Variants in CCDC30 observed in about 807,000 individuals in gnomAD.
The protein encoded by CCDC30 is coiled-coil domain containing 30.
In CCDC30, 70 loss-of-function variants were observed where a neutral mutation model predicts 100.2. That is an observed-to-expected ratio of 0.70 (90% CI 0.58 to 0.85). CCDC30 has a LOEUF of 0.85. Among genes scored for constraint, CCDC30 ranks in the 40% least tolerant of loss-of-function variants. The probability of loss-of-function intolerance (pLI) is 0.00; values close to 1 mark genes in which losing one functional copy is unlikely to be tolerated. For synonymous variants in CCDC30, 233 were observed against 269.5 expected, an observed-to-expected ratio of 0.86 and a Z score of 1.33; for missense variants, 652 against 771.2, an observed-to-expected ratio of 0.85 and a Z score of 1.83.
chr1:42,482,892 A>G (rs1643985881), intron 3 of CCDC30, 76 bp downstream of exon 3: 1 of 426,840 alleles, frequency 2.3e-6, no homozygotes, highest in Non-Finnish European at 3.2e-6. Context: ...GGAACATGAG[A>G]AAAAAAAAAA....
At chr1:42,656,821 G>A (rs972949145), downstream of CCDC30, among the ~76,000 whole-genome samples, 3 of 152,142 alleles carry the variant, frequency 2.0e-5, no homozygotes, top group African/African-American at 4.8e-5. Flanking sequence ...TATTTAGCAC[G>A]TAGTAACTGC....
exon 1 of CCDC30, chr1:42,463,633 G>A (rs1643475258): frequency 6.6e-6 from 1 of 152,154 alleles, no homozygotes; most frequent in African/African-American, 2.4e-5. Flanking sequence ...TATTATTAGA[G>A]CGGGCTTAGA....
chr1:42,579,051 C>T (rs373321761), intron 8 of CCDC30, among the ~76,000 whole-genome samples: 16 of 152,122 alleles, frequency 1.1e-4, no homozygotes, highest in Non-Finnish European at 1.2e-4. Context: ...AGTGCAGTGG[C>T]GCTATCTCGG....
At chr1:42,501,543 A>T (rs1455832932) in intron 6 of CCDC30, among the ~76,000 whole-genome samples, 1 of 151,792 alleles carries the variant, frequency 6.6e-6, no homozygotes, top group Non-Finnish European at 1.5e-5. Flanking sequence ...GATTTTTAGA[A>T]TTTTCAGCTT....
At chr1:42,539,136 T>C in intron 6 of CCDC30, 37 bp from the exon 8 acceptor site, 2 of 1,452,572 alleles carry the variant, frequency 1.4e-6, no homozygotes, top group Non-Finnish European at 1.9e-6. Context: ...AAAATAGTCT[T>C]ATTTTATTCT....
intron 10 of CCDC30, 142 bp downstream of exon 14, chr1:42,589,625 C>T (rs1430957774): frequency 1.5e-6 from 1 of 689,292 alleles, no homozygotes; most frequent in African/African-American, 1.8e-5. Context: ...CTAGGTATTT[C>T]AAGCAAGAAG....
At chr1:42,507,465 C>A (rs1644412010) in intron 6 of CCDC30, among the ~76,000 whole-genome samples, 2 of 152,118 alleles carry the variant, frequency 1.3e-5, no homozygotes, top group South Asian at 4.1e-4. Context: ...TATAATCTTT[C>A]CATAACTTGC....
chr1:42,651,034 G>GAAAGTGGACCGTTAC, intron 15 of CCDC30, among the ~76,000 whole-genome samples: 1 of 152,262 alleles, frequency 6.6e-6, no homozygotes, highest in Admixed American at 6.5e-5. Context: ...GCAGAAGAAT[G>GAAAGTGGACCGTTAC]AAAGTGGACC....
At chr1:42,506,256 T>C (rs912599031) in intron 6 of CCDC30, among the ~76,000 whole-genome samples, 11 of 152,254 alleles carry the variant, frequency 7.2e-5, no homozygotes, top group African/African-American at 2.7e-4. Context: ...TATCTCCTGT[T>C]TGATATTCAT....
In CCDC30 at chr1:42,482,133, G is replaced by A. The variant is rs145735140; in HGVS notation, c.16-530G>A. Among the ~76,000 whole-genome samples, 65 of 151,320 alleles carry A rather than the reference G, an allele frequency of 4.3e-4. No homozygotes were observed. In the East Asian group the frequency reaches 9.4e-3, roughly 22 times the overall value. On this transcript the variant is annotated intron_variant, in intron 2 of 16. Transcript: ENST00000668663. ...CTTGGGAGTCTGAGGCAGGAGAATC[G>A]CTTGAACCTGGGAGGCGGAGGTTGC... is the stretch of plus-strand genomic sequence containing the variant.
At chr1:42,491,916 G>A in intron 4 of CCDC30, 1 of 565,992 alleles carries the variant, frequency 1.8e-6, no homozygotes. Flanking sequence ...AATTGCATCT[G>A]ATAGCCTCAA....
At chr1:42,461,167 G>A (rs1643400788), upstream of CCDC30, among the ~76,000 whole-genome samples, 1 of 152,150 alleles carries the variant, frequency 6.6e-6, no homozygotes, top group African/African-American at 2.4e-5. Context: ...CATGGAGTAG[G>A]GAAGGGTAGC....
intron 1 of CCDC30, among the ~76,000 whole-genome samples, chr1:42,466,167 C>T (rs1454524504): frequency 6.6e-6 from 1 of 152,138 alleles, no homozygotes; most frequent in Non-Finnish European, 1.5e-5. Context: ...AGTCACCTGA[C>T]AGCATATTTC....
chr1:42,612,877 T>C (rs554430532), intron 11 of CCDC30, among the ~76,000 whole-genome samples: 1 of 152,364 alleles, frequency 6.6e-6, no homozygotes, highest in South Asian at 2.1e-4. Flanking sequence ...AATTACTCAC[T>C]GGTCTGATGG....
intron 9 of CCDC30, among the ~76,000 whole-genome samples, chr1:42,584,828 A>G (rs1646037346): frequency 6.6e-6 from 1 of 152,140 alleles, no homozygotes; most frequent in African/African-American, 2.4e-5. Flanking sequence ...CCTGTTCATG[A>G]AGGTATTGGT....
chr1:42,524,627 T>C (rs1644696639), intron 6 of CCDC30, among the ~76,000 whole-genome samples: 2 of 152,174 alleles, frequency 1.3e-5, no homozygotes, highest in African/African-American at 2.4e-5. Context: ...GAAAGCATCC[T>C]TGTTGTCCAT....
At chr1:42,480,176 T>G (rs1643935382) in intron 1 of CCDC30, among the ~76,000 whole-genome samples, 1 of 152,200 alleles carries the variant, frequency 6.6e-6, no homozygotes, top group African/African-American at 2.4e-5. Context: ...ATGAAATATC[T>G]ATTCATTTTC....
rs534253225 is a variant in CCDC30, at chr1:42,470,546, G to A, written c.-92+6648G>A. 2.0e-5 allele frequency among the ~76,000 whole-genome samples: 3 copies of A among 152,314 alleles called. No homozygotes were observed. The South Asian group carries it at 6.2e-4, about 32-fold the overall frequency. On this transcript the variant is annotated intron_variant, in intron 1 of 16. Coordinates refer to ENST00000668663, the Ensembl canonical transcript of CCDC30. ...CAGCATCATTCACAATAGTTGAAAG[G>A]TGGAAACAACTCCAATGTCCATCAA...
intron 7 of CCDC30, among the ~76,000 whole-genome samples, chr1:42,572,187 C>T (rs1387783562): frequency 1.3e-5 from 2 of 152,184 alleles, no homozygotes; most frequent in South Asian, 2.1e-4. Context: ...AACTGTCAGA[C>T]GTTAAAATTT....
Sources: gnomAD v4.1 joint callset for allele counts (sites outside exome capture counted in the v4.1 genomes callset) on GRCh38, gnomAD v4.1.1 for gene constraint, MANE v1.5 for transcripts, NCBI Gene and HGNC (gene_info 2026-07-23, HGNC 2026-07-21) for gene names.